Variants in NCKAP5 observed in about 807,000 individuals in gnomAD.
The protein encoded by NCKAP5 is NCK associated protein 5, also known as nck-associated protein 5.
NCKAP5 carries 92 observed loss-of-function variants against 167.0 expected under a neutral mutation model. That is an observed-to-expected ratio of 0.55 (90% CI 0.47 to 0.66). NCKAP5 has a LOEUF of 0.66. Among genes scored for constraint, NCKAP5 ranks in the 30% least tolerant of loss-of-function variants. The pLI is 0.00. For synonymous variants in NCKAP5, 891 were observed against 877.4 expected (o/e 1.02, Z -0.27); for missense variants, 2,378 against 2,315.0 (o/e 1.03, Z -0.56).
intron 8 of NCKAP5, among the ~76,000 whole-genome samples, chr2:132,949,644 C>A (rs1329946414): frequency 6.6e-6 from 1 of 152,088 alleles, no homozygotes; most frequent in Non-Finnish European, 1.5e-5. Flanking sequence ...TTTTCAGTAG[C>A]CCTCATCTCC....
chr2:133,443,023 A>G (rs930610943), intron 3 of NCKAP5, among the ~76,000 whole-genome samples: 1 of 152,230 alleles, frequency 6.6e-6, no homozygotes, highest in Non-Finnish European at 1.5e-5. Context: ...ATAGTCCACA[A>G]AACATATTTG....
chr2:133,210,174 A>ATAATATAATATAATATAATT (rs1408788335), intron 5 of NCKAP5, among the ~76,000 whole-genome samples: 29 of 30,750 alleles, frequency 9.4e-4, no homozygotes, highest in African/African-American at 5.1e-3. Flanking sequence ...TCAAAAATAA[A>ATAATATAATATAATATAATT]TAATATAATA....
intron 6 of NCKAP5, among the ~76,000 whole-genome samples, chr2:133,073,226 CT>C (rs144053451): frequency 3.7e-4 from 55 of 150,012 alleles, no homozygotes; most frequent in Admixed American, 1.1e-3. Flanking sequence ...ACAGGGAAAT[CT>C]TTTTTTTTTC....
chr2:132,912,599 C>T (rs1307791589), intron 8 of NCKAP5, among the ~76,000 whole-genome samples: 1 of 152,180 alleles, frequency 6.6e-6, no homozygotes, highest in African/African-American at 2.4e-5. Context: ...GCCTTCCTTC[C>T]TTCCAAACCA....
At chr2:133,170,799 T>C (rs1176168748) in intron 5 of NCKAP5, among the ~76,000 whole-genome samples, 3 of 152,158 alleles carry the variant, frequency 2.0e-5, no homozygotes, top group African/African-American at 7.2e-5. Flanking sequence ...GATGTCCCAT[T>C]TCACTTAAGC....
chr2:132,905,442 T>G (rs937302201), intron 8 of NCKAP5, among the ~76,000 whole-genome samples: 1 of 152,240 alleles, frequency 6.6e-6, no homozygotes, highest in Non-Finnish European at 1.5e-5. Context: ...GCTTGTTTAT[T>G]GTTCTACATG....
At chr2:133,241,214 T>C (rs746238442) in intron 4 of NCKAP5, among the ~76,000 whole-genome samples, 2 of 152,198 alleles carry the variant, frequency 1.3e-5, no homozygotes, top group Non-Finnish European at 2.9e-5. Context: ...CCAGAAATTG[T>C]TTGCTTTTAA....
At chr2:133,252,261 A>G (rs2088381244) in intron 4 of NCKAP5, among the ~76,000 whole-genome samples, 1 of 152,140 alleles carries the variant, frequency 6.6e-6, no homozygotes, top group Admixed American at 6.5e-5. Context: ...AGTAAGGATT[A>G]CTTAGAAGAG....
At chr2:133,130,918 A>T (rs920649258) in intron 5 of NCKAP5, among the ~76,000 whole-genome samples, 1 of 152,176 alleles carries the variant, frequency 6.6e-6, no homozygotes, top group African/African-American at 2.4e-5. Context: ...TTACTACACT[A>T]AGCATTTTGT....
chr2:133,268,447 G>A (rs2089344129), intron 4 of NCKAP5: 2 of 149,242 alleles, frequency 1.3e-5, no homozygotes, highest in African/African-American at 4.9e-5. Flanking sequence ...AATCATGTAA[G>A]TCAAGGACAA....
At chr2:133,518,761 T>C (rs377636294) in intron 2 of NCKAP5, among the ~76,000 whole-genome samples, 1 of 152,186 alleles carries the variant, frequency 6.6e-6, no homozygotes. Context: ...AATCAAATGA[T>C]GTATGGGAAT....
intron 16 of NCKAP5, among the ~76,000 whole-genome samples, chr2:132,764,454 T>C (rs1291744229): frequency 6.6e-6 from 1 of 152,204 alleles, no homozygotes; most frequent in Non-Finnish European, 1.5e-5. Flanking sequence ...TATAAGTGGG[T>C]GAACTCAGTG....
At chr2:133,312,037 T>G (rs538887599) in intron 3 of NCKAP5, among the ~76,000 whole-genome samples, 170 of 152,342 alleles carry the variant, frequency 1.1e-3, no homozygotes, top group African/African-American at 4.0e-3. Flanking sequence ...TCACATGAGC[T>G]GTCAAAGATT....
intron 5 of NCKAP5, among the ~76,000 whole-genome samples, chr2:133,153,038 T>C (rs373955036): frequency 6.6e-6 from 1 of 152,198 alleles, no homozygotes; most frequent in Non-Finnish European, 1.5e-5. Context: ...ATCCCTGTCA[T>C]TAAGCAATGC....
At chr2:133,156,343 T>C (rs17798750) in intron 5 of NCKAP5, among the ~76,000 whole-genome samples, 27,987 of 152,176 alleles carry the variant, frequency 0.18, 2,820 homozygotes, top group Non-Finnish European at 0.22. Flanking sequence ...GGTCCAGCTT[T>C]CCGGGTTTTC....
At chr2:133,110,258 A>G (rs1467981162) in intron 6 of NCKAP5, among the ~76,000 whole-genome samples, 2 of 152,310 alleles carry the variant, frequency 1.3e-5, no homozygotes, top group South Asian at 2.1e-4. Context: ...AAAGTCCTGA[A>G]GTTTTCAAAT....
At chr2:133,177,457 C>T (rs556858359) in intron 5 of NCKAP5, among the ~76,000 whole-genome samples, 1 of 152,132 alleles carries the variant, frequency 6.6e-6, no homozygotes, top group South Asian at 2.1e-4. Context: ...TGCAACCCCG[C>T]ACAGCTTCAC....
chr2:133,032,668 G>T (rs1357077309), intron 6 of NCKAP5, among the ~76,000 whole-genome samples: 1 of 152,190 alleles, frequency 6.6e-6, no homozygotes, highest in African/African-American at 2.4e-5. Context: ...GAGACCCAGT[G>T]CTGTACTGGC....
At chr2:132,987,078 G>T (rs2077310769) in intron 7 of NCKAP5, among the ~76,000 whole-genome samples, 1 of 152,168 alleles carries the variant, frequency 6.6e-6, no homozygotes, top group African/African-American at 2.4e-5. Context: ...TATATAAACT[G>T]CATGCTTTTT....
Sources: allele counts gnomAD v4.1 joint callset (sites outside exome capture counted in the v4.1 genomes callset), GRCh38; gene constraint gnomAD v4.1.1; transcripts MANE v1.5; gene names NCBI Gene and HGNC (gene_info 2026-07-23, HGNC 2026-07-21).